The following NPAS3 variants were observed in gnomAD, a reference collection of about 807,000 sequenced individuals.
The protein encoded by NPAS3 is neuronal PAS domain protein 3.
Under a neutral mutation model 73.1 loss-of-function variants are expected in NPAS3, and 14 were observed. The ratio of observed to expected loss-of-function variants is 0.19; its 90% CI spans 0.13 to 0.30. The LOEUF is 0.30. Among genes scored for constraint, NPAS3 ranks in the 10% least tolerant of loss-of-function variants. The pLI is 1.00. For synonymous variants in NPAS3, 620 were observed against 541.5 expected (o/e 1.14, Z -2.01); for missense variants, 1,096 against 1,250.0 (o/e 0.88, Z 1.86).
At chr14:33,087,224 T>C (rs3955265) in intron 2 of NPAS3, among the ~76,000 whole-genome samples, 4,462 of 118,366 alleles carry the variant, frequency 0.038, 184 homozygotes, top group East Asian at 0.17. Context: ...TATTATTGTA[T>C]AATATATATT....
At chr14:33,208,922 T>C (rs2046929594) in intron 2 of NPAS3, among the ~76,000 whole-genome samples, 1 of 152,174 alleles carries the variant, frequency 6.6e-6, no homozygotes, top group Non-Finnish European at 1.5e-5. Flanking sequence ...ACCTGCCATT[T>C]ATATAAGGGC....
At chr14:33,560,009 C>CAAAAA (rs33950536) in intron 4 of NPAS3, 112 bp from the exon 5 acceptor site, 2 of 392,396 alleles carry the variant, frequency 5.1e-6, no homozygotes, top group Non-Finnish European at 8.8e-6. Context: ...GACTCTGTCT[C>CAAAAA]AAAAAAAAAA....
At chr14:33,645,979 A>T (rs1201826546) in intron 5 of NPAS3, among the ~76,000 whole-genome samples, 1 of 152,202 alleles carries the variant, frequency 6.6e-6, no homozygotes, top group Non-Finnish European at 1.5e-5. Flanking sequence ...CTTGAAATGT[A>T]TGTCTTTGCA....
intron 3 of NPAS3, among the ~76,000 whole-genome samples, chr14:33,229,935 G>A (rs2047785188): frequency 6.6e-6 from 1 of 152,166 alleles, no homozygotes; most frequent in Admixed American, 6.5e-5. Context: ...TTCTGCTCCT[G>A]CTAAAATTTC....
At position 33,467,671 on chromosome 14, in the gene NPAS3, C is replaced by T. The variant is rs79475124; in HGVS notation, c.469-92450C>T. Among the ~76,000 whole-genome samples the T allele has an allele frequency of 1.6e-3, 245 of 152,294 alleles. 1 individual carries two copies. The highest frequency in any genetic ancestry group is 5.3e-3 in the African/African-American group (221 of 41,572). On this transcript the variant is annotated intron_variant, in intron 4 of 11. Coordinates refer to ENST00000356141, the Ensembl canonical transcript of NPAS3. ...CTATTTTGGCCTCGTCTAGGCAAAG[C>T]GGCAGTGCCCTTTGTATGCTGCAGC...
At chr14:33,529,193 G>A (rs1036358518) in intron 4 of NPAS3, among the ~76,000 whole-genome samples, 1 of 152,110 alleles carries the variant, frequency 6.6e-6, no homozygotes, top group Non-Finnish European at 1.5e-5. Context: ...TGACAGTCCT[G>A]TGCTAGTATT....
intron 6 of NPAS3, among the ~76,000 whole-genome samples, chr14:33,733,970 G>A (rs1346439571): frequency 1.3e-5 from 2 of 151,360 alleles, no homozygotes; most frequent in African/African-American, 4.9e-5. Flanking sequence ...TTTCATCTGA[G>A]CACCAAGTTT....
chr14:32,968,108 G>C (rs1003061522), intron 1 of NPAS3, among the ~76,000 whole-genome samples: 1 of 152,110 alleles, frequency 6.6e-6, no homozygotes, highest in Non-Finnish European at 1.5e-5. Context: ...GATGGGGAGA[G>C]GTTGGTCAGG....
At chr14:33,562,121 C>T (rs560639195) in intron 5 of NPAS3, among the ~76,000 whole-genome samples, 1 of 152,146 alleles carries the variant, frequency 6.6e-6, no homozygotes, top group Non-Finnish European at 1.5e-5. Context: ...TGGAATAGTG[C>T]GGCCATCTGA....
chr14:33,428,320 T>C (rs2048638924), intron 4 of NPAS3, among the ~76,000 whole-genome samples: 1 of 152,122 alleles, frequency 6.6e-6, no homozygotes, highest in South Asian at 2.1e-4. Flanking sequence ...ATAGTATTAT[T>C]AGAATTGAAT....
chr14:33,507,098 G>A (rs890084723), intron 4 of NPAS3, among the ~76,000 whole-genome samples: 1 of 152,000 alleles, frequency 6.6e-6, no homozygotes, highest in African/African-American at 2.4e-5. Context: ...GTGGGTGATG[G>A]ACTATGATGT....
chr14:33,367,317 C>A (rs769008580), intron 4 of NPAS3, 49 bp downstream of exon 4: 14 of 788,372 alleles, frequency 1.8e-5, no homozygotes, highest in Admixed American at 9.1e-5. Context: ...TAAGAAAAAA[C>A]CATATGTTTA....
At chr14:33,291,262 A>G (rs1019198670) in intron 3 of NPAS3, among the ~76,000 whole-genome samples, 1 of 152,118 alleles carries the variant, frequency 6.6e-6, no homozygotes, top group African/African-American at 2.4e-5. Flanking sequence ...GAGAAGCATT[A>G]TTGAGGTGTG....
At chr14:33,718,478 A>G (rs2061017165) in intron 6 of NPAS3, among the ~76,000 whole-genome samples, 1 of 152,152 alleles carries the variant, frequency 6.6e-6, no homozygotes, top group Non-Finnish European at 1.5e-5. Flanking sequence ...ACACCTATCC[A>G]TTTCTGAAAT....
At chr14:33,555,702 A>T (rs1373120635) in intron 4 of NPAS3, among the ~76,000 whole-genome samples, 1 of 152,206 alleles carries the variant, frequency 6.6e-6, no homozygotes, top group East Asian at 1.9e-4. Context: ...GACAATCCTG[A>T]ATCAGAAGGT....
intron 3 of NPAS3, among the ~76,000 whole-genome samples, chr14:33,292,564 A>C (rs544578711): frequency 3.3e-5 from 5 of 152,312 alleles, no homozygotes; most frequent in African/African-American, 1.2e-4. Flanking sequence ...TTACAGAAAA[A>C]AAATTTACAG....
intron 4 of NPAS3, among the ~76,000 whole-genome samples, chr14:33,553,875 G>T (rs1273221482): frequency 6.6e-6 from 1 of 152,130 alleles, no homozygotes. Flanking sequence ...CACCATCCAG[G>T]TTCTCCTTGA....
intron 5 of NPAS3, among the ~76,000 whole-genome samples, chr14:33,600,741 G>A (rs962774272): frequency 6.6e-6 from 1 of 152,100 alleles, no homozygotes; most frequent in Non-Finnish European, 1.5e-5. Context: ...TAACTCACAG[G>A]TCCATTAATA....
At chr14:33,060,713 A>G (rs1426098733) in intron 2 of NPAS3, among the ~76,000 whole-genome samples, 3 of 152,190 alleles carry the variant, frequency 2.0e-5, no homozygotes, top group South Asian at 4.1e-4. Context: ...GTGATTGTCT[A>G]TAGCCCTCAT....
Sources: gnomAD v4.1 joint callset for allele counts (sites outside exome capture counted in the v4.1 genomes callset) on GRCh38, gnomAD v4.1.1 for gene constraint, MANE v1.5 for transcripts, NCBI Gene and HGNC (gene_info 2026-07-23, HGNC 2026-07-21) for gene names.